Variants in FAM98A observed in about 807,000 individuals in gnomAD.
FAM98A encodes the protein tRNA splicing ligase complex subunit 3A.
A neutral mutation model predicts 62.9 loss-of-function variants in FAM98A; 25 were observed. The ratio of observed to expected loss-of-function variants is 0.40; its 90% CI spans 0.29 to 0.56. FAM98A has a LOEUF of 0.56. Ranked by LOEUF, FAM98A falls within the 20% of genes least tolerant of loss-of-function variation. The pLI, the probability that FAM98A is intolerant of heterozygous loss-of-function variation, is 0.51. For missense variants in FAM98A, 653 were observed against 640.7 expected, an observed-to-expected ratio of 1.02 and a Z score of -0.21; for synonymous variants, 252 against 228.6, an observed-to-expected ratio of 1.10 and a Z score of -0.92.
intron 4 of FAM98A, 196 bp from the exon 5 acceptor site, chr2:33,587,516 C>T: frequency 1.8e-6 from 1 of 562,718 alleles, no homozygotes; most frequent in Non-Finnish European, 3.2e-6. Flanking sequence ...TACAGAAGTC[C>T]TTCATTGCAC....
chr2:33,588,215 A>C, intron 4 of FAM98A, 120 bp downstream of exon 4: 1 of 777,392 alleles, frequency 1.3e-6, no homozygotes, highest in South Asian at 1.8e-5. Context: ...TTTCGTAACA[A>C]TTACTTAATA....
intron 3 of FAM98A, 57 bp downstream of exon 3, chr2:33,592,023 A>AGCT: frequency 7.2e-7 from 1 of 1,385,114 alleles, no homozygotes; most frequent in South Asian, 1.3e-5. Flanking sequence ...TCAGTTTATT[A>AGCT]GTCATGGAAA....
chr2:33,596,276 T>G (rs1677809356), intron 1 of FAM98A, among the ~76,000 whole-genome samples: 1 of 152,208 alleles, frequency 6.6e-6, no homozygotes, highest in African/African-American at 2.4e-5. Context: ...TTTTATAAAT[T>G]TAATGCCAGT....
chr2:33,595,670 A>AT, intron 1 of FAM98A, 33 bp from the exon 2 acceptor site: 1 of 1,522,618 alleles, frequency 6.6e-7, no homozygotes, highest in South Asian at 1.2e-5. Flanking sequence ...TCAGAAGAAA[A>AT]TACAATCATA....
intron 5 of FAM98A, 140 bp downstream of exon 5, chr2:33,587,100 C>T (rs1677573255): frequency 3.5e-6 from 2 of 565,468 alleles, no homozygotes; most frequent in African/African-American, 1.9e-5. Context: ...CTGAGATTCA[C>T]AAAATGATTC....
intron 1 of FAM98A, among the ~76,000 whole-genome samples, chr2:33,596,918 T>C (rs940552656): frequency 1.5e-4 from 21 of 143,068 alleles, no homozygotes; most frequent in Admixed American, 1.4e-3. Context: ...AAAGATAATA[T>C]AATGTTGAGA....
chr2:33,584,625 G>C lies in FAM98A; in HGVS notation c.*151C>G, dbSNP rs1004619431. On this transcript the variant is annotated 3_prime_UTR_variant, in exon 8 of 8. Transcript: ENST00000238823. ...GTAAGTCCAATAAAAAAATCTAACA[G>C]AATTGAATGAAGACCTACAAATGCT... 7 of 669,606 alleles carry C rather than the reference G, an allele frequency of 1.0e-5. No individual in the cohort carries two copies. In the Admixed American group the frequency reaches 1.8e-4, roughly 17 times the overall value. 41.5% of individuals were successfully genotyped at this position (669,606 alleles called of 1,614,324 possible). A position where few individuals can be genotyped will look rare whatever the true frequency, so the allele number is the denominator to read the frequency against.
intron 3 of FAM98A, chr2:33,589,393 G>C (rs2151144612): frequency 6.6e-6 from 1 of 152,214 alleles, no homozygotes; most frequent in East Asian, 1.9e-4. Flanking sequence ...TGAATCTTAG[G>C]ATTTCTGGTT....
At position 33,585,571 on chromosome 2, in the gene FAM98A, T is replaced by G. The variant is rs74911659; in HGVS notation, c.847A>C (p.Ser283Arg). 6.2e-7 allele frequency: 1 copy of G among 1,614,096 alleles called. No homozygotes were observed. The highest frequency in any genetic ancestry group is 1.3e-5 in the African/African-American group (1 of 74,952). The change falls in exon 7 of 8, where the codon AGC (serine) becomes CGC (arginine). Residue 283 changes from serine to arginine, a missense_variant. Transcript: ENST00000238823. Reference sequence around the variant, plus strand: ...GCAGTCTTTTCTCTTATAGAGCCGCTGCTTGTCCTTAAAATCTTTGACAAG... The same window carrying G: ...GCAGTCTTTTCTCTTATAGAGCCGCGGCTTGTCCTTAAAATCTTTGACAAG... ...QDLSKILRTS[S>R]GSIREKTACA...
intron 3 of FAM98A, chr2:33,589,836 G>A (rs1037862423): frequency 1.3e-5 from 2 of 152,130 alleles, no homozygotes; most frequent in Non-Finnish European, 2.9e-5. Flanking sequence ...AACAGCAAAG[G>A]TATGTAGTTG....
chr2:33,592,348 C>T, intron 2 of FAM98A, 134 bp from the exon 3 acceptor site: 1 of 704,000 alleles, frequency 1.4e-6, no homozygotes, highest in East Asian at 2.8e-5. Context: ...TTTATCCTTT[C>T]TTACACCACT....
rs1677608629 is a variant in FAM98A at position 33,588,585 on chromosome 2, C to T, written c.338-66G>A. 2.9e-6 allele frequency: 4 copies of T among 1,363,000 alleles called. No individual in the cohort carries two copies. The South Asian group carries it at 5.1e-5, about 18-fold the overall frequency. 84.4% of individuals were successfully genotyped at this position (1,363,000 alleles called of 1,614,324 possible). A position where few individuals can be genotyped will look rare whatever the true frequency, so the allele number is the denominator to read the frequency against. On this transcript the variant is annotated intron_variant, in intron 3 of 7. Transcript: ENST00000238823. ...ATAGTTATAGTCATAAGTCTGGAGT[C>T]ACAACTATATAGACCTATTGATATG...
chr2:33,585,787 T>C, intron 6 of FAM98A, 90 bp from the exon 7 acceptor site: 1 of 1,148,208 alleles, frequency 8.7e-7, no homozygotes, highest in Admixed American at 2.1e-5. Context: ...CTCCAAAATA[T>C]CTGATAATGA....
chr2:33,586,469 A>T, intron 6 of FAM98A, 93 bp downstream of exon 6: 1 of 789,984 alleles, frequency 1.3e-6, no homozygotes, highest in Non-Finnish European at 2.2e-6. Context: ...TCTTCTATGT[A>T]CTTCTCCCAT....
At chr2:33,593,617 G>A (rs2151146219) in intron 2 of FAM98A, among the ~76,000 whole-genome samples, 1 of 152,262 alleles carries the variant, frequency 6.6e-6, no homozygotes, top group South Asian at 2.1e-4. Flanking sequence ...TATCACAAAG[G>A]GGAAGAAATT....
In FAM98A at chr2:33,585,103, A is replaced by G; in HGVS notation, c.1230T>C (p.His410=). Residue 410 remains histidine, a synonymous_variant, in exon 8 of 8, where the codon CAT becomes CAC. Transcript: ENST00000238823. ...RDSGFQPGGY[H]GGHSSGGYQG... is the part of the protein sequence containing the mutation. ...GATAGCCACCACTGCTGTGGCCACC[A>G]TGATAGCCACCTGGCTGGAAACCTG... is the stretch of plus-strand genomic sequence containing the variant. The G allele has an allele frequency of 6.2e-7, 1 of 1,614,130 alleles. No homozygotes were observed. Among genetic ancestry groups the G allele is most frequent in the Non-Finnish European group, 8.5e-7 (1 of 1,180,022 alleles).
intron 3 of FAM98A, 50 bp from the exon 4 acceptor site, chr2:33,588,569 G>C (rs1234700771): frequency 6.6e-7 from 1 of 1,504,514 alleles, no homozygotes; most frequent in East Asian, 2.3e-5. Flanking sequence ...TATAGTTATA[G>C]TCATAAGTCT....
Position 33,595,470 on chromosome 2 carries a change from A to G in FAM98A, c.202+19T>C, listed in dbSNP as rs1347686884. ...ATGTTATTTTTATACTTTGTACCTAAAAGTGAATGTTTACTTACTGTTAGT... is the reference window on the plus strand; with the variant it reads ...ATGTTATTTTTATACTTTGTACCTAGAAGTGAATGTTTACTTACTGTTAGT... On this transcript the variant is annotated intron_variant, in intron 2 of 7. Transcript: ENST00000238823. The G allele has an allele frequency of 3.1e-6, 5 of 1,593,976 alleles. No individual in the cohort carries two copies. The highest frequency in any genetic ancestry group is 1.8e-5 in the Admixed American group (1 of 56,914).
chr2:33,594,523 G>A (rs1221401438), intron 2 of FAM98A, among the ~76,000 whole-genome samples: 11 of 112,268 alleles, frequency 9.8e-5, no homozygotes, highest in Non-Finnish European at 1.8e-4. Context: ...CATGTATCCC[G>A]GAACATAAAG....
Sources: allele counts gnomAD v4.1 joint callset (sites outside exome capture counted in the v4.1 genomes callset), GRCh38; gene constraint gnomAD v4.1.1; transcripts MANE v1.5; gene names NCBI Gene and HGNC (gene_info 2026-07-23, HGNC 2026-07-21).